Variants in C4orf17 observed in about 807,000 individuals in gnomAD.
C4orf17 encodes the protein chromosome 4 open reading frame 17, also known as uncharacterized protein C4orf17.
Under a neutral mutation model 32.0 loss-of-function variants are expected in C4orf17, and 25 were observed. That is an observed-to-expected ratio of 0.78 (90% CI 0.57 to 1.09). The LOEUF is 1.09. Among genes scored for constraint, C4orf17 ranks in the 50% least tolerant of loss-of-function variants. The probability of loss-of-function intolerance (pLI) is 0.00; values close to 1 mark genes in which losing one functional copy is unlikely to be tolerated. For synonymous variants in C4orf17, 149 were observed against 145.8 expected (o/e 1.02, Z -0.16); for missense variants, 420 against 420.0 (o/e 1.00, Z 0.00).
intron 5 of C4orf17, 84 bp from the exon 6 acceptor site, chr4:99,537,585 A>AAT: frequency 1.1e-6 from 1 of 941,314 alleles, no homozygotes; most frequent in Non-Finnish European, 1.7e-6. Context: ...ATTTGGGAAG[A>AAT]TGGGATTCTG....
In C4orf17 at chr4:99,539,339, AC is replaced by A; in HGVS notation, c.807del (p.Arg270GlufsTer34). ...PNFTAKSKVL[T>X]RDTEGDQPTR... ...TTTTACTGCAAAATCAAAAGTGCTG[AC>A]CAGAGATACAGAAGGGGATCAACCA... On this transcript the variant is annotated frameshift_variant, in exon 7 of 9. Transcript: ENST00000326581. LOFTEE classifies it high-confidence loss of function. 2 of 1,614,098 alleles carry A rather than the reference AC, an allele frequency of 1.2e-6. No homozygotes were observed. The highest frequency in any genetic ancestry group is 1.7e-6 in the Non-Finnish European group (2 of 1,179,934).
chr4:99,515,811 G>T (rs1723171317), intron 2 of C4orf17, among the ~76,000 whole-genome samples: 1 of 151,524 alleles, frequency 6.6e-6, no homozygotes, highest in Non-Finnish European at 1.5e-5. Context: ...ATAAAAAAAA[G>T]TCATGATACA....
intron 5 of C4orf17, among the ~76,000 whole-genome samples, chr4:99,534,306 G>C (rs1354375474): frequency 6.6e-6 from 1 of 152,102 alleles, no homozygotes; most frequent in Non-Finnish European, 1.5e-5. Context: ...CCTTGCAAAA[G>C]ACATGATCTT....
chr4:99,523,343 C>T (rs187731269), intron 3 of C4orf17, among the ~76,000 whole-genome samples: 56 of 152,286 alleles, frequency 3.7e-4, no homozygotes, highest in African/African-American at 1.3e-3. Context: ...ATACAATTTA[C>T]ATGCTATTAC....
chr4:99,524,043 A>G (rs557637817), intron 3 of C4orf17, among the ~76,000 whole-genome samples: 23 of 144,454 alleles, frequency 1.6e-4, no homozygotes, highest in South Asian at 4.4e-4. Flanking sequence ...GCAGTGGTGC[A>G]ATCTCCGCTC....
intron 4 of C4orf17, among the ~76,000 whole-genome samples, chr4:99,526,685 G>A (rs939746139): frequency 2.3e-4 from 35 of 149,174 alleles, no homozygotes; most frequent in African/African-American, 7.7e-4. Context: ...GGCTATTTGG[G>A]TTGTCTATTT....
chr4:99,518,098 T>C (rs1432599444), intron 2 of C4orf17, among the ~76,000 whole-genome samples: 1 of 152,104 alleles, frequency 6.6e-6, no homozygotes, highest in Non-Finnish European at 1.5e-5. Flanking sequence ...AAGCCACTTC[T>C]CTCCATGGCT....
At chr4:99,536,097 C>T (rs913494186) in intron 5 of C4orf17, 8 of 370,628 alleles carry the variant, frequency 2.2e-5, no homozygotes, top group African/African-American at 1.7e-4. Flanking sequence ...GCTCCTTCCT[C>T]TGGGATCTCC....
intron 3 of C4orf17, among the ~76,000 whole-genome samples, chr4:99,524,131 C>T (rs1009836547): frequency 3.9e-5 from 6 of 151,946 alleles, no homozygotes; most frequent in Non-Finnish European, 7.4e-5. Flanking sequence ...AGGCGCCCGC[C>T]ACCACGCCCG....
At chr4:99,533,884 T>G (rs559880455) in intron 5 of C4orf17, among the ~76,000 whole-genome samples, 1 of 152,320 alleles carries the variant, frequency 6.6e-6, no homozygotes, top group Admixed American at 6.5e-5. Flanking sequence ...GAGGCTACTC[T>G]AGGCTAGATT....
chr4:99,524,662 C>T (rs548900770), intron 4 of C4orf17, 77 bp downstream of exon 4: 21 of 828,852 alleles, frequency 2.5e-5, no homozygotes, highest in East Asian at 1.8e-4. Context: ...CATACCTTTC[C>T]GAAAAGTCAC....
intron 8 of C4orf17, 114 bp downstream of exon 8, chr4:99,540,569 T>C: frequency 4.5e-6 from 3 of 673,808 alleles, no homozygotes; most frequent in Admixed American, 2.6e-5. Context: ...AAAAATACAA[T>C]AGTAATTTCC....
rs1418481943 is a variant in C4orf17 at position 99,542,158 on chromosome 4, C to T, written c.*49C>T. The T allele has an allele frequency of 6.1e-6, 9 of 1,479,676 alleles. No individual in the cohort carries two copies. The highest frequency in any genetic ancestry group is 1.4e-5 in the African/African-American group (1 of 71,892). The allele number at this position is 1,479,676 out of a possible 1,614,324, so 91.7% of individuals were successfully genotyped here. Reference sequence around the variant, plus strand: ...TTCATGAATATGAGCTTCACATTTACATCATCAAATTATTTTTCAAATGAA... The same window carrying T: ...TTCATGAATATGAGCTTCACATTTATATCATCAAATTATTTTTCAAATGAA... On this transcript the variant is annotated 3_prime_UTR_variant, in exon 9 of 9. Transcript: ENST00000326581.
At chr4:99,516,929 A>C (rs1396643810) in intron 2 of C4orf17, among the ~76,000 whole-genome samples, 1 of 152,178 alleles carries the variant, frequency 6.6e-6, no homozygotes, top group African/African-American at 2.4e-5. Context: ...GGTTGCCACT[A>C]TCCTTCAGTT....
chr4:99,533,316 A>G (rs1258560435), intron 5 of C4orf17, among the ~76,000 whole-genome samples: 1 of 152,210 alleles, frequency 6.6e-6, no homozygotes, highest in Non-Finnish European at 1.5e-5. Flanking sequence ...TTCCAAAATG[A>G]TAGATTAGGC....
chr4:99,541,360 T>C (rs1298555436), intron 8 of C4orf17: 1 of 153,282 alleles, frequency 6.5e-6, no homozygotes, highest in Non-Finnish European at 1.5e-5. Flanking sequence ...GACTATAACA[T>C]CATGACAGTG....
chr4:99,522,755 A>G lies in C4orf17; in HGVS notation c.337+46A>G, dbSNP rs578226838. On this transcript the variant is annotated intron_variant, in intron 3 of 8. Transcript: ENST00000326581. ...TGAAATGTTTCCTTATGCCTCCTGC[A>G]AACAAGGCTGTGGGGAGTCTATATG... 8.1e-6 allele frequency: 12 copies of G among 1,484,916 alleles called. No homozygotes were observed. The South Asian group carries it at 1.4e-4, about 17-fold the overall frequency. The allele number at this position is 1,484,916 out of a possible 1,614,324, so 92.0% of individuals were successfully genotyped here.
rs887859827 is a variant in C4orf17 at position 99,511,236 on chromosome 4, T to G, written c.-130T>G. ...GAGGGTATCAACAGACTTGAGTTCTTGTCAGCAAGATCACCTGCTTTTAAT... is the reference window on the plus strand; with the variant it reads ...GAGGGTATCAACAGACTTGAGTTCTGGTCAGCAAGATCACCTGCTTTTAAT... On this transcript the variant is annotated 5_prime_UTR_variant, in exon 1 of 9. Transcript: ENST00000326581. 4 of 152,148 alleles carry G rather than the reference T, an allele frequency of 2.6e-5. No homozygotes were observed. The highest frequency in any genetic ancestry group is 9.7e-5 in the African/African-American group (4 of 41,432). 9.4% of individuals were successfully genotyped at this position (152,148 alleles called of 1,614,324 possible).
At chr4:99,522,751 C>T in intron 3 of C4orf17, 42 bp downstream of exon 3, 1 of 1,504,602 alleles carries the variant, frequency 6.6e-7, no homozygotes, top group Non-Finnish European at 9.2e-7. Context: ...CTTATGCCTC[C>T]TGCAAACAAG....
Sources: allele counts gnomAD v4.1 joint callset (sites outside exome capture counted in the v4.1 genomes callset), GRCh38; gene constraint gnomAD v4.1.1; transcripts MANE v1.5; gene names NCBI Gene and HGNC (gene_info 2026-07-23, HGNC 2026-07-21).